Variants in MAOA observed in about 807,000 individuals in gnomAD.
MAOA encodes amine oxidase [flavin-containing] A.
Under a neutral mutation model 42.0 loss-of-function variants are expected in MAOA, and 6 were observed. The ratio of observed to expected loss-of-function variants is 0.14; its 90% CI spans 0.08 to 0.28. MAOA has a LOEUF of 0.28. Among genes scored for constraint, MAOA ranks in the 10% least tolerant of loss-of-function variants. The probability of loss-of-function intolerance (pLI) is 1.00; values close to 1 mark genes in which losing one functional copy is unlikely to be tolerated. For missense variants in MAOA, 262 were observed against 422.3 expected, an observed-to-expected ratio of 0.62 and a Z score of 3.33; for synonymous variants, 140 against 154.0, an observed-to-expected ratio of 0.91 and a Z score of 0.67.
chrX:43,701,857 G>T (rs1344395575), intron 3 of MAOA, among the ~76,000 whole-genome samples: 1 of 111,941 alleles, frequency 8.9e-6, no homozygotes, highest in Non-Finnish European at 1.9e-5. Flanking sequence ...GACCTTTCAG[G>T]TTAAAATGTA....
At chrX:43,737,450 G>T (rs773960912) in intron 10 of MAOA, among the ~76,000 whole-genome samples, 7 of 111,977 alleles carry the variant, frequency 6.3e-5, no homozygotes, top group African/African-American at 2.3e-4. Context: ...GGAAGTCCAA[G>T]ATTATGATGC....
intron 3 of MAOA, among the ~76,000 whole-genome samples, chrX:43,711,137 T>G (rs977314046): frequency 2.7e-5 from 3 of 110,380 alleles, no homozygotes; most frequent in African/African-American, 9.9e-5. Flanking sequence ...TACCAGGAGC[T>G]GGGGGTAGGG....
intron 10 of MAOA, among the ~76,000 whole-genome samples, chrX:43,738,739 G>A (rs1432648758): frequency 1.8e-5 from 2 of 111,603 alleles, no homozygotes; most frequent in African/African-American, 3.3e-5. Flanking sequence ...AGGATCACCT[G>A]AGTCCAGGGA....
At chrX:43,713,900 A>T (rs1193463601) in intron 5 of MAOA, among the ~76,000 whole-genome samples, 1 of 111,627 alleles carries the variant, frequency 9.0e-6, no homozygotes, top group Non-Finnish European at 1.9e-5. Context: ...TCCAGGAATG[A>T]TACACAGGGA....
rs1199498744 is a variant in MAOA at position 43,664,079 on chromosome X, C to A, written c.73+7665C>A. Among the ~76,000 whole-genome samples the A allele has an allele frequency of 2.7e-5, 3 of 112,498 alleles. No homozygotes were observed. The East Asian group carries it at 8.4e-4, about 31-fold the overall frequency. On this transcript the variant is annotated intron_variant, in intron 1 of 14. Transcript: ENST00000338702. ...TTATTTTTAGCTGATACTGAGACTT[C>A]ACGAAAGTGGTGAAAAATATTTCAG...
At chrX:43,703,205 T>C (rs1206082846) in intron 3 of MAOA, among the ~76,000 whole-genome samples, 6 of 111,570 alleles carry the variant, frequency 5.4e-5, no homozygotes, top group Admixed American at 3.8e-4. Context: ...AGTAACTTCA[T>C]CTAGTAGTAG....
upstream of MAOA, chrX:43,656,288 C>CA: frequency 9.0e-7 from 1 of 1,113,085 alleles, no homozygotes; most frequent in Non-Finnish European, 1.2e-6. Flanking sequence ...GTCCTTCCCA[C>CA]CCTTTGCCGT....
At chrX:43,715,584 G>A (rs2033736157) in intron 5 of MAOA, among the ~76,000 whole-genome samples, 1 of 111,279 alleles carries the variant, frequency 9.0e-6, no homozygotes, top group Admixed American at 9.6e-5. Flanking sequence ...TCAAGAGTTG[G>A]GAGAGACAAG....
chrX:43,680,853 T>G (rs1388094666), intron 1 of MAOA, among the ~76,000 whole-genome samples: 4 of 111,262 alleles, frequency 3.6e-5, no homozygotes, highest in Non-Finnish European at 7.5e-5. Context: ...AATACTAGAT[T>G]TTTTCTTTTG....
intron 7 of MAOA, 126 bp downstream of exon 7, chrX:43,731,516 T>G: frequency 1.1e-6 from 1 of 909,122 alleles, no homozygotes; most frequent in East Asian, 3.3e-5. Context: ...GTCTTCCAAA[T>G]TACCAGCCTT....
intron 10 of MAOA, among the ~76,000 whole-genome samples, chrX:43,737,971 G>A (rs1218372222): frequency 8.9e-6 from 1 of 111,871 alleles, no homozygotes; most frequent in Non-Finnish European, 1.9e-5. Flanking sequence ...TTCTTGTAAG[G>A]CAAAACCCTT....
chrX:43,670,632 G>T (rs1176205842), intron 1 of MAOA, among the ~76,000 whole-genome samples: 1 of 79,588 alleles, frequency 1.3e-5, no homozygotes, highest in Non-Finnish European at 2.3e-5. Context: ...AGAGTGTGTT[G>T]TTCCCCTTCC....
At chrX:43,691,307 G>A (rs990103421) in intron 2 of MAOA, among the ~76,000 whole-genome samples, 1 of 109,794 alleles carries the variant, frequency 9.1e-6, no homozygotes, top group African/African-American at 3.3e-5. Context: ...CAGGAAAGTC[G>A]AGGCTGCAGT....
At chrX:43,661,415 G>A (rs976221345) in intron 1 of MAOA, among the ~76,000 whole-genome samples, 13 of 111,720 alleles carry the variant, frequency 1.2e-4, no homozygotes, top group African/African-American at 3.9e-4. Context: ...TGAACAAAGT[G>A]CAGGGATCTT....
At chrX:43,675,626 A>T (rs1195295672) in intron 1 of MAOA, among the ~76,000 whole-genome samples, 1 of 112,055 alleles carries the variant, frequency 8.9e-6, no homozygotes, top group Non-Finnish European at 1.9e-5. Context: ...TTTGGTGTGG[A>T]TGTCCTTTCT....
chrX:43,744,230 C>G, intron 14 of MAOA, 59 bp downstream of exon 14: 1 of 1,134,531 alleles, frequency 8.8e-7, no homozygotes, highest in Non-Finnish European at 1.2e-6. Context: ...ACATAAAACT[C>G]ACATCTCCCT....
chrX:43,734,444 T>G (rs2033906022), intron 9 of MAOA, among the ~76,000 whole-genome samples: 1 of 111,384 alleles, frequency 9.0e-6, no homozygotes, highest in Non-Finnish European at 1.9e-5. Flanking sequence ...TTCTTCAGCT[T>G]TATTATTAAC....
At chrX:43,695,665 G>A (rs2033572988) in intron 3 of MAOA, among the ~76,000 whole-genome samples, 1 of 111,804 alleles carries the variant, frequency 8.9e-6, no homozygotes, top group African/African-American at 3.3e-5. Flanking sequence ...CCAGGAGGTC[G>A]AGGTTACAGT....
Position 43,693,070 on chromosome X carries a change from A to G in MAOA, c.169-221A>G, listed in dbSNP as rs372991990. ...ATTGTATTGCTGAATTGGCCTTACC[A>G]ATAACTTTACCAAATGATGGTGCTT... On this transcript the variant is annotated intron_variant, in intron 2 of 14. Transcript: ENST00000338702. Among the ~76,000 whole-genome samples the G allele has an allele frequency of 3.6e-5, 4 of 112,293 alleles. No individual in the cohort carries two copies. In the South Asian group the frequency reaches 1.5e-3, roughly 42 times the overall value.
Sources: gnomAD v4.1 joint callset for allele counts (sites outside exome capture counted in the v4.1 genomes callset) on GRCh38, gnomAD v4.1.1 for gene constraint, MANE v1.5 for transcripts, NCBI Gene and HGNC (gene_info 2026-07-23, HGNC 2026-07-21) for gene names.